PRMT5: variants seen among roughly 807,000 people sequenced by gnomAD.
PRMT5 encodes protein arginine N-methyltransferase 5.
A neutral mutation model predicts 84.0 loss-of-function variants in PRMT5; 15 were observed. The observed-to-expected ratio is 0.18, with a 90% CI of 0.12 to 0.28. The LOEUF (loss-of-function observed/expected upper bound fraction) is 0.28. PRMT5 is among the 10% of genes least tolerant of loss of function. PRMT5 has a pLI of 1.00. For synonymous variants in PRMT5, 276 were observed against 292.4 expected (o/e 0.94, Z 0.57); for missense variants, 486 against 808.0 (o/e 0.60, Z 4.83).
chr14:22,922,254 A>G lies in PRMT5; in HGVS notation c.1697-14T>C. The G allele has an allele frequency of 6.3e-7, 1 of 1,584,506 alleles. No individual in the cohort carries two copies. The highest frequency in any genetic ancestry group is 8.7e-7 in the Non-Finnish European group (1 of 1,153,090). ...CTGGACGGATACCTGTGTGGACAAA[A>G]TAATGAAAAAACAGAGGTCTCCATG... is the stretch of plus-strand genomic sequence containing the variant. On this transcript the variant is annotated splice_polypyrimidine_tract_variant and intron_variant, in intron 15 of 16. Coordinates refer to ENST00000324366, the MANE Select transcript of PRMT5 (RefSeq NM_006109.5).
In PRMT5 at chr14:22,924,430, A is replaced by C; in HGVS notation, c.1077-38T>G. 3 of 1,613,926 alleles carry C rather than the reference A, an allele frequency of 1.9e-6. No individual in the cohort carries two copies. Among genetic ancestry groups the C allele is most frequent in the Non-Finnish European group, 1.7e-6 (2 of 1,179,866 alleles). On this transcript the variant is annotated intron_variant, in intron 10 of 16. Transcript: ENST00000324366. This position sits in a 1 kb window ranked among gnomAD's most constrained non-coding sequence, Gnocchi z 6.5. ...GGGAAGAGTCAAGCAGACTTGGCAT[A>C]TACAGATATAGGTATGCAAGTCCCT...
rs2139224527 is a variant in PRMT5, at chr14:22,923,299, AT to A, written c.1376-140del. On this transcript the variant is annotated intron_variant, in intron 12 of 16. Coordinates refer to ENST00000324366, the MANE Select transcript of PRMT5 (RefSeq NM_006109.5). This position sits in a 1 kb window ranked among gnomAD's most constrained non-coding sequence, Gnocchi z 5.2. The stretch of plus-strand genomic sequence containing the variant: ...GGGCATGGAAGAAAGAGACAAATGC[AT>A]GTTGTCACATTACTAAGCCAGCCTG... 1 of 598,118 alleles carries A rather than the reference AT, an allele frequency of 1.7e-6. No individual in the cohort carries two copies. Among genetic ancestry groups the A allele is most frequent in the African/African-American group, 1.9e-5 (1 of 53,672 alleles). 37.1% of individuals were successfully genotyped at this position (598,118 alleles called of 1,614,324 possible). A position where few individuals can be genotyped will look rare whatever the true frequency, so the allele number is the denominator to read the frequency against.
intron 16 of PRMT5, 97 bp downstream of exon 16, chr14:22,922,079 G>A (rs1264099397): frequency 3.7e-6 from 4 of 1,081,016 alleles, no homozygotes; most frequent in Admixed American, 1.8e-5. Flanking sequence ...AGGAGAACAT[G>A]AGTCATAGTC....
In PRMT5 at chr14:22,920,799, C is replaced by G. The variant is rs2044262387; in HGVS notation, c.*105G>C. The G allele has an allele frequency of 2.5e-5, 38 of 1,493,878 alleles. No individual in the cohort carries two copies. The highest frequency in any genetic ancestry group is 3.4e-5 in the Non-Finnish European group (36 of 1,071,148). The allele number at this position is 1,493,878 out of a possible 1,614,324, so 92.5% of individuals were successfully genotyped here. On this transcript the variant is annotated 3_prime_UTR_variant, in exon 17 of 17. Transcript: ENST00000324366. The stretch of plus-strand genomic sequence containing the variant: ...GGAAAGCAGATTGAAATGCTCCTCT[C>G]TGATGGGCAAGGGGAATCACAGCCC...
rs765437315 is a variant in PRMT5 at position 22,927,593 on chromosome 14, T to C, written c.383A>G (p.Gln128Arg). The part of the protein sequence containing the change: ...GLPAFLLPLN[Q>R]EDNTNLARVL... The stretch of plus-strand genomic sequence containing the variant: ...TCTGGCCAGGTTGGTGTTATCTTCC[T>C]GATTAAGGGGCAGCAGGAAAGCTGG... The change falls in exon 4 of 17, where the codon CAG (glutamine) becomes CGG (arginine). Residue 128 changes from glutamine (Q) to arginine (R), a missense_variant. Coordinates refer to ENST00000324366, the MANE Select transcript of PRMT5 (RefSeq NM_006109.5). The C allele has an allele frequency of 5.0e-6, 8 of 1,614,052 alleles. No homozygotes were observed. Among genetic ancestry groups the C allele is most frequent in the Middle Eastern group, 1.7e-4 (1 of 6,056 alleles).
rs2044429406 is a variant in PRMT5 at position 22,926,754 on chromosome 14, C to A, written c.511G>T (p.Ala171Ser). ...TACTCCTCTGTGTGTGTAGTTGGTGCATTCTCAATTATATCATCTCTCAGG... is the reference window on the plus strand; with the variant it reads ...TACTCCTCTGTGTGTGTAGTTGGTGAATTCTCAATTATATCATCTCTCAGG... ...EDLRDDIIEN[A>S]PTTHTEEYSG... Residue 171 changes from alanine (A) to serine (S), a missense_variant, in exon 5 of 17, where the codon GCA becomes TCA. Around this residue, in one of 4 missense-constraint regions of PRMT5, gnomAD observed 215 missense variants for 301.1 expected, o/e 0.71. Transcript: ENST00000324366. The A allele has an allele frequency of 1.2e-6, 2 of 1,614,116 alleles. No individual in the cohort carries two copies. Among genetic ancestry groups the A allele is most frequent in the Non-Finnish European group, 1.7e-6 (2 of 1,180,024 alleles).
chr14:22,926,881 A>C, intron 4 of PRMT5, 67 bp from the exon 5 acceptor site: 1 of 1,179,440 alleles, frequency 8.5e-7, no homozygotes, highest in Non-Finnish European at 1.3e-6. Flanking sequence ...AGTTTCCCTC[A>C]ATAAAAAAAA....
At chr14:22,921,659 C>T (rs1248066946) in intron 16 of PRMT5, among the ~76,000 whole-genome samples, 2 of 151,884 alleles carry the variant, frequency 1.3e-5, no homozygotes, top group Admixed American at 6.6e-5. Flanking sequence ...CTGAGGTGGG[C>T]GGATCATGAG....
At position 22,928,537 on chromosome 14, in the gene PRMT5, G is replaced by T; in HGVS notation, c.189C>A (p.Pro63=). ...GTAGGTCTGATCGTGTCTGGGGACCGGGCCGATTCTTAGCAGGTTCCTGAA... is the reference window on the plus strand; with the variant it reads ...GTAGGTCTGATCGTGTCTGGGGACCTGGCCGATTCTTAGCAGGTTCCTGAA... ...EFIQEPAKNR[P]GPQTRSDLLL... Residue 63 remains proline (P), a synonymous_variant, in exon 2 of 17, where the codon CCC becomes CCA. Coordinates refer to ENST00000324366, the MANE Select transcript of PRMT5 (RefSeq NM_006109.5). This position sits in a 1 kb window ranked among gnomAD's most constrained non-coding sequence, Gnocchi z 4.8. 2 of 1,614,012 alleles carry T rather than the reference G, an allele frequency of 1.2e-6. No homozygotes were observed. The highest frequency in any genetic ancestry group is 1.7e-6 in the Non-Finnish European group (2 of 1,179,902).
chr14:22,921,257 T>C, intron 16 of PRMT5: 1 of 622,922 alleles, frequency 1.6e-6, no homozygotes, highest in Non-Finnish European at 2.7e-6. Flanking sequence ...AAAACACCTA[T>C]GAAAGGGAAC....
chr14:22,928,898 A>G lies in PRMT5; in HGVS notation c.111-283T>C. ...CAGGTGTCAGTATGTTTCCAAGACC[A>G]TCACATCCAGATTTGCCCCAGTTCT... On this transcript the variant is annotated intron_variant, in intron 1 of 16. Transcript: ENST00000324366. This position sits in a 1 kb window ranked among gnomAD's most constrained non-coding sequence, Gnocchi z 4.8. 4 of 599,914 alleles carry G rather than the reference A, an allele frequency of 6.7e-6. No individual in the cohort carries two copies. The highest frequency in any genetic ancestry group is 1.2e-5 in the Non-Finnish European group (4 of 338,408). The allele number at this position is 599,914 out of a possible 1,614,324, so 37.2% of individuals were successfully genotyped here.
intron 16 of PRMT5, among the ~76,000 whole-genome samples, chr14:22,921,841 C>T (rs914164777): frequency 4.8e-5 from 7 of 146,008 alleles, no homozygotes; most frequent in Non-Finnish European, 1.0e-4. Flanking sequence ...GAAATTGTGC[C>T]ACTGCACTCC....
Position 22,928,055 on chromosome 14 carries a change from G to T in PRMT5, c.315+71C>A. 2 of 1,302,774 alleles carry T rather than the reference G, an allele frequency of 1.5e-6. No individual in the cohort carries two copies. Among genetic ancestry groups the T allele is most frequent in the Non-Finnish European group, 2.2e-6 (2 of 917,222 alleles). 80.7% of individuals were successfully genotyped at this position (1,302,774 alleles called of 1,614,324 possible). A position where few individuals can be genotyped will look rare whatever the true frequency, so the allele number is the denominator to read the frequency against. On this transcript the variant is annotated intron_variant, in intron 3 of 16. Transcript: ENST00000324366. This position sits in a 1 kb window ranked among gnomAD's most constrained non-coding sequence, Gnocchi z 4.8. Reference sequence around the variant, plus strand: ...ATCAGTTAATTTACCAAGTTATTGGGGATGGGAGGGGACCACTCTCCCCAC... The same window carrying T: ...ATCAGTTAATTTACCAAGTTATTGGTGATGGGAGGGGACCACTCTCCCCAC...
chr14:22,924,551 A>T lies in PRMT5; in HGVS notation c.1018-14T>A, dbSNP rs1467641063. On this transcript the variant is annotated splice_polypyrimidine_tract_variant and intron_variant, in intron 9 of 16. Transcript: ENST00000324366. This position sits in a 1 kb window ranked among gnomAD's most constrained non-coding sequence, Gnocchi z 6.5. ...TTTATAGATGGCCTGGAGGGAGGAGAGAATATCCCATGGTTGTAATCCCAT... is the reference window on the plus strand; with the variant it reads ...TTTATAGATGGCCTGGAGGGAGGAGTGAATATCCCATGGTTGTAATCCCAT... 4 of 1,613,516 alleles carry T rather than the reference A, an allele frequency of 2.5e-6. No homozygotes were observed.
Position 22,924,350 on chromosome 14 carries a change from G to A in PRMT5, c.1119C>T (p.Asn373=), listed in dbSNP as rs368374286. The A allele has an allele frequency of 6.2e-5, 100 of 1,613,904 alleles. No homozygotes were observed. Among genetic ancestry groups the A allele is most frequent in the African/African-American group, 4.0e-5 (3 of 74,842 alleles). The change falls in exon 11 of 17, where the codon AAC becomes AAT. Residue 373 remains asparagine, a synonymous_variant. Transcript: ENST00000324366. The surrounding 1 kb of genome is among the most constrained non-coding windows in gnomAD (Gnocchi z 6.5). Reference sequence around the variant, plus strand: ...CCTGCTTGGCTGCCCGCAGGGAAGCGTTCACCAGGGGTCCCCGTCCTGCTC... The same window carrying A: ...CCTGCTTGGCTGCCCGCAGGGAAGCATTCACCAGGGGTCCCCGTCCTGCTC... ...VLGAGRGPLV[N]ASLRAAKQAD...
intron 4 of PRMT5, among the ~76,000 whole-genome samples, chr14:22,927,061 A>C (rs571140277): frequency 6.6e-6 from 1 of 150,432 alleles, no homozygotes; most frequent in South Asian, 2.1e-4. Flanking sequence ...CCACTTTTAG[A>C]TGGAGAGGTG....
intron 4 of PRMT5, among the ~76,000 whole-genome samples, chr14:22,927,241 C>G (rs947027491): frequency 2.6e-5 from 4 of 151,326 alleles, no homozygotes; most frequent in African/African-American, 7.3e-5. Flanking sequence ...GTGTGACACC[C>G]CACCTAGCTA....
rs767069827 is a variant in PRMT5, at chr14:22,928,619, C to T, written c.111-4G>A. 6.3e-7 allele frequency: 1 copy of T among 1,593,692 alleles called. No individual in the cohort carries two copies. The highest frequency in any genetic ancestry group is 1.1e-5 in the South Asian group (1 of 90,678). ...AGGCATGCAGAGGAAATCAAACCTACAACCGCGACAGACCCAGAATCATGT... is the reference window on the plus strand; with the variant it reads ...AGGCATGCAGAGGAAATCAAACCTATAACCGCGACAGACCCAGAATCATGT... On this transcript the variant is annotated splice_polypyrimidine_tract_variant and splice_region_variant and intron_variant, in intron 1 of 16. Coordinates refer to ENST00000324366, the MANE Select transcript of PRMT5 (RefSeq NM_006109.5). The surrounding 1 kb of genome is among the most constrained non-coding windows in gnomAD (Gnocchi z 4.8).
chr14:22,922,277 A>G (rs2044317062), intron 15 of PRMT5, 37 bp from the exon 16 acceptor site: 1 of 1,542,764 alleles, frequency 6.5e-7, no homozygotes, highest in African/African-American at 1.4e-5. Flanking sequence ...AGAGGTCTCC[A>G]TGGCTGTGAC....
Sources: allele counts gnomAD v4.1 joint callset (sites outside exome capture counted in the v4.1 genomes callset), GRCh38; gene constraint gnomAD v4.1.1; regional missense constraint gnomAD v4.1.1; non-coding constraint Gnocchi (gnomAD v3.1); transcripts MANE v1.5; gene names NCBI Gene and HGNC (gene_info 2026-07-23, HGNC 2026-07-21).